Variants in PREX1 observed in about 807,000 individuals in gnomAD.
PREX1 encodes the protein phosphatidylinositol-3,4,5-trisphosphate dependent Rac exchange factor 1.
PREX1 carries 41 observed loss-of-function variants against 198.3 expected under a neutral mutation model. The ratio of observed to expected loss-of-function variants is 0.21; its 90% CI spans 0.16 to 0.27. The LOEUF (loss-of-function observed/expected upper bound fraction) is 0.27. Among genes scored for constraint, PREX1 ranks in the 10% least tolerant of loss-of-function variants. The pLI is 1.00. For synonymous variants in PREX1, 843 were observed against 887.2 expected (o/e 0.95, Z 0.89); for missense variants, 1,620 against 2,200.7 (o/e 0.74, Z 5.28).
At chr20:48,650,294 T>C in intron 23 of PREX1, 88 bp from the exon 24 acceptor site, 2 of 1,304,708 alleles carry the variant, frequency 1.5e-6, no homozygotes, top group Non-Finnish European at 2.2e-6. Context: ...TATCCTGGCC[T>C]AGGCCAGATG....
At chr20:48,638,163 T>C (rs993086933) in intron 30 of PREX1, among the ~76,000 whole-genome samples, 5 of 151,724 alleles carry the variant, frequency 3.3e-5, no homozygotes, top group Non-Finnish European at 5.9e-5. Flanking sequence ...GACACACACA[T>C]ATACTCATAC....
intron 5 of PREX1, among the ~76,000 whole-genome samples, chr20:48,722,849 C>T (rs368213194): frequency 3.7e-4 from 56 of 152,232 alleles, no homozygotes; most frequent in Non-Finnish European, 6.8e-4. Flanking sequence ...GGGCAGGGCC[C>T]GGGTCTGTCT....
At chr20:48,660,505 A>G (rs2089582887) in intron 15 of PREX1, among the ~76,000 whole-genome samples, 1 of 152,196 alleles carries the variant, frequency 6.6e-6, no homozygotes, top group African/African-American at 2.4e-5. Flanking sequence ...TTGAATCCCT[A>G]CCTCACACCA....
intron 1 of PREX1, among the ~76,000 whole-genome samples, chr20:48,748,446 A>G (rs2090119313): frequency 6.6e-6 from 1 of 152,180 alleles, no homozygotes; most frequent in South Asian, 2.1e-4. Flanking sequence ...AATCTATGCA[A>G]AAACAAACAC....
intron 1 of PREX1, among the ~76,000 whole-genome samples, chr20:48,783,340 G>C (rs1408135835): frequency 6.6e-6 from 1 of 152,258 alleles, no homozygotes; most frequent in Admixed American, 6.5e-5. Flanking sequence ...TTTGGCCTGA[G>C]CAAGTGGAAG....
At chr20:48,675,000 T>A (rs375869974) in intron 14 of PREX1, among the ~76,000 whole-genome samples, 7 of 152,308 alleles carry the variant, frequency 4.6e-5, no homozygotes, top group East Asian at 1.9e-4. Flanking sequence ...AAAGCCCTAG[T>A]GTGGAAGCAA....
intron 10 of PREX1, among the ~76,000 whole-genome samples, chr20:48,685,732 A>T (rs2089780040): frequency 6.6e-6 from 1 of 152,192 alleles, no homozygotes. Context: ...TGTACAAAAA[A>T]AAATAAAAAT....
rs1252109268 is a variant in PREX1 at position 48,764,800 on chromosome 20, AAG to A, written c.220-16922_220-16921del. On this transcript the variant is annotated intron_variant, in intron 1 of 39. Transcript: ENST00000371941. ...CTTTCTCAAAAAAAAAAAAAAAAGA[AAG>A]AAAGAAAGAAAAAGAGGGAGGTAGG... Among the ~76,000 whole-genome samples the A allele has an allele frequency of 3.7e-4, 56 of 150,124 alleles. 1 individual carries two copies. Among genetic ancestry groups the A allele is most frequent in the South Asian group, 1.1e-3 (5 of 4,748 alleles).
rs754716819 is a variant in PREX1 at position 48,692,746 on chromosome 20, T to C, written c.962A>G (p.Asn321Ser). The change falls in exon 8 of 40, where the codon AAC becomes AGC. Residue 321 changes from asparagine (N) to serine (S), a missense_variant. By Grantham distance (46) the Asn-to-Ser change is conservative. Coordinates refer to ENST00000371941, the MANE Select transcript of PREX1 (RefSeq NM_020820.4). ...ACCCCTGAAGATGTAGAGGGAGCCG[T>C]TGATGGATTTGGTCCTCTTGGTGGA... is the stretch of plus-strand genomic sequence containing the variant. ...KKSTKRTKSI[N>S]GSLYIFRGRI... is the part of the protein sequence containing the mutation. The C allele has an allele frequency of 6.2e-7, 1 of 1,613,984 alleles. No individual in the cohort carries two copies. Among genetic ancestry groups the C allele is most frequent in the Admixed American group, 1.7e-5 (1 of 60,010 alleles).
At chr20:48,644,813 A>G (rs1209493100) in intron 26 of PREX1, among the ~76,000 whole-genome samples, 1 of 152,150 alleles carries the variant, frequency 6.6e-6, no homozygotes, top group Admixed American at 6.5e-5. Flanking sequence ...TTGCCCTGAG[A>G]CACCTGCCCA....
At chr20:48,847,240 T>C in the PREX1 span, among the ~76,000 whole-genome samples, 3 of 151,928 alleles carry the variant, frequency 2.0e-5, no homozygotes, top group African/African-American at 7.3e-5. Context: ...AGATGAGTTA[T>C]GCAGAGGCAG....
At chr20:48,699,720 C>G (rs999161901) in intron 7 of PREX1, among the ~76,000 whole-genome samples, 23 of 152,158 alleles carry the variant, frequency 1.5e-4, no homozygotes, top group Non-Finnish European at 4.4e-5. Flanking sequence ...AACCACCCAG[C>G]CTTCCATCCA....
chr20:48,632,491 C>A lies in PREX1; in HGVS notation c.4411+5G>T, dbSNP rs1281595618. 6.2e-7 allele frequency: 1 copy of A among 1,613,932 alleles called. No homozygotes were observed. The highest frequency in any genetic ancestry group is 1.1e-5 in the South Asian group (1 of 91,066). On this transcript the variant is annotated splice_donor_5th_base_variant and intron_variant, in intron 34 of 39. Coordinates refer to ENST00000371941, the MANE Select transcript of PREX1 (RefSeq NM_020820.4). ...GGTCCTCCCTGCCCCAGGCCTGAAG[C>A]TCACCTTTCGTGAACAGCGCTGTGT... is the stretch of plus-strand genomic sequence containing the variant.
intron 3 of PREX1, among the ~76,000 whole-genome samples, chr20:48,737,519 G>T (rs952374399): frequency 3.3e-5 from 5 of 152,148 alleles, no homozygotes; most frequent in Admixed American, 6.5e-5. Flanking sequence ...ATGAAAGGAA[G>T]AAAAGAGAAG....
chr20:48,666,187 A>C lies in PREX1; in HGVS notation c.1738+96T>G, dbSNP rs1464498633. ...TCCCCAAACCCCCGGGGGTCTAGAG[A>C]GCCACAGACCTGGCTTCAGTCCTCC... On this transcript the variant is annotated intron_variant, in intron 15 of 39. Transcript: ENST00000371941. The surrounding 1 kb of genome is among the most constrained non-coding windows in gnomAD (Gnocchi z 4.3). The C allele has an allele frequency of 7.8e-7, 1 of 1,279,994 alleles. No individual in the cohort carries two copies. The highest frequency in any genetic ancestry group is 1.5e-5 in the African/African-American group (1 of 67,476). 79.3% of individuals were successfully genotyped at this position (1,279,994 alleles called of 1,614,324 possible).
At chr20:48,761,333 C>T (rs982900617) in intron 1 of PREX1, among the ~76,000 whole-genome samples, 2 of 152,222 alleles carry the variant, frequency 1.3e-5, no homozygotes, top group Non-Finnish European at 2.9e-5. Context: ...TTGAGTCTCA[C>T]CTCCAGGAAG....
the PREX1 span, among the ~76,000 whole-genome samples, chr20:48,865,183 G>C: frequency 6.6e-4 from 101 of 152,322 alleles, 2 homozygotes; most frequent in South Asian, 0.015. Flanking sequence ...TGCCAGAGCA[G>C]TTTTCTAAAA....
intron 1 of PREX1, among the ~76,000 whole-genome samples, chr20:48,756,912 C>T (rs1211934095): frequency 6.6e-6 from 1 of 152,226 alleles, no homozygotes; most frequent in Non-Finnish European, 1.5e-5. Context: ...TTATGTCTTA[C>T]ATGGCGGCAG....
chr20:48,684,885 T>A lies in PREX1; in HGVS notation c.1335-3550A>T, dbSNP rs1011806152. Among the ~76,000 whole-genome samples, 1 of 152,238 alleles carries A rather than the reference T, an allele frequency of 6.6e-6. No homozygotes were observed. Among genetic ancestry groups the A allele is most frequent in the South Asian group, 2.1e-4 (1 of 4,832 alleles). ...ACTGCAGCCTCAGGGCTTTCGCGCC[T>A]ACTGCTTCCTAAGCCAGGAATGCTG... On this transcript the variant is annotated intron_variant, in intron 10 of 39. Transcript: ENST00000371941. The surrounding 1 kb of genome is among the most constrained non-coding windows in gnomAD (Gnocchi z 4.2).
Sources: allele counts gnomAD v4.1 joint callset (sites outside exome capture counted in the v4.1 genomes callset), GRCh38; gene constraint gnomAD v4.1.1; non-coding constraint Gnocchi (gnomAD v3.1); transcripts MANE v1.5; gene names NCBI Gene and HGNC (gene_info 2026-07-23, HGNC 2026-07-21).